Variants in TRPM3 observed in about 807,000 individuals in gnomAD.
TRPM3 encodes transient receptor potential cation channel subfamily M member 3, also known as long transient receptor potential channel 3.
TRPM3 carries 77 observed loss-of-function variants against 181.2 expected under a neutral mutation model. The ratio of observed to expected loss-of-function variants is 0.42; its 90% confidence interval spans 0.35 to 0.51. The LOEUF (loss-of-function observed/expected upper bound fraction) is 0.51, where lower values mean the gene tolerates loss of function less well. Among genes scored for constraint, TRPM3 ranks in the 20% least tolerant of loss-of-function variants. TRPM3 has a pLI of 0.01. For missense variants in TRPM3, 1,759 were observed against 2,196.7 expected (o/e 0.80, Z 3.98); for synonymous variants, 745 against 796.4 (o/e 0.94, Z 1.09).
intron 1 of TRPM3, among the ~76,000 whole-genome samples, chr9:70,942,905 A>C (rs2096899320): frequency 6.6e-6 from 1 of 152,102 alleles, no homozygotes; most frequent in Admixed American, 6.6e-5. Flanking sequence ...TACCCACCAA[A>C]TTTCAAAAAC....
rs1012412329 is a variant in TRPM3 at position 71,436,461 on chromosome 9, C to A, written c.183+10192G>T. Reference sequence around the variant, plus strand: ...GGGATTACAGGCACGCACCACCATGCCTGGCTAATTTTTTGTATTTTAGTA... The same window carrying A: ...GGGATTACAGGCACGCACCACCATGACTGGCTAATTTTTTGTATTTTAGTA... On this transcript the variant is annotated intron_variant, in intron 1 of 24. Transcript: ENST00000357533. 2.0e-4 allele frequency among the ~76,000 whole-genome samples: 27 copies of A among 134,674 alleles called. 1 individual carries two copies. Among genetic ancestry groups the A allele is most frequent in the Admixed American group, 1.7e-3 (22 of 12,966 alleles). The allele number at this position is 134,674 out of a possible 152,430, so 88.4% of individuals were successfully genotyped here.
At chr9:70,955,202 ATTC>A (rs996915564) in intron 1 of TRPM3, among the ~76,000 whole-genome samples, 1 of 152,162 alleles carries the variant, frequency 6.6e-6, no homozygotes, top group Admixed American at 6.5e-5. Context: ...TGGCAATCAC[ATTC>A]TTCTTTTTCC....
chr9:70,600,142 C>T (rs2059630565), intron 20 of TRPM3, among the ~76,000 whole-genome samples: 1 of 152,216 alleles, frequency 6.6e-6, no homozygotes, highest in Admixed American at 6.5e-5. Flanking sequence ...GCAGAAGTTG[C>T]ACCCATCCTG....
At chr9:71,285,865 A>G (rs1316303068) in intron 1 of TRPM3, among the ~76,000 whole-genome samples, 1 of 152,164 alleles carries the variant, frequency 6.6e-6, no homozygotes, top group Non-Finnish European at 1.5e-5. Flanking sequence ...GTGCAAATTA[A>G]TCCATTATGC....
Position 71,300,314 on chromosome 9 carries a change from C to A in TRPM3, c.183+146339G>T, listed in dbSNP as rs544932801. On this transcript the variant is annotated intron_variant, in intron 1 of 24. Transcript: ENST00000357533. ...TTTTAATGACACTATCATGGAAGCC[C>A]ATGACAGGGATGCTGCTGATTAATG... Among the ~76,000 whole-genome samples, 514 of 152,072 alleles carry A rather than the reference C, an allele frequency of 3.4e-3. 3 individuals are homozygous for A. The highest frequency in any genetic ancestry group is 5.2e-3 in the Non-Finnish European group (353 of 67,972).
chr9:70,894,591 G>T (rs1258499412), intron 1 of TRPM3, among the ~76,000 whole-genome samples: 1 of 152,174 alleles, frequency 6.6e-6, no homozygotes, highest in African/African-American at 2.4e-5. Context: ...TTGACTAGGA[G>T]AGCATTGAAC....
chr9:71,129,044 A>G (rs2074217380), intron 1 of TRPM3, among the ~76,000 whole-genome samples: 1 of 152,224 alleles, frequency 6.6e-6, no homozygotes, highest in Admixed American at 6.5e-5. Context: ...GAAGATCCTC[A>G]AAGCAGTAAC....
chr9:70,810,168 G>C, intron 6 of TRPM3: 1 of 481,636 alleles, frequency 2.1e-6, no homozygotes, highest in Admixed American at 2.2e-5. Flanking sequence ...ACATGATCAG[G>C]AGGTCCTCTG....
At chr9:71,150,051 A>C (rs2075647483) in intron 1 of TRPM3, among the ~76,000 whole-genome samples, 1 of 152,176 alleles carries the variant, frequency 6.6e-6, no homozygotes, top group South Asian at 2.1e-4. Context: ...AAGAAGAACA[A>C]AATGAAACTA....
intron 1 of TRPM3, among the ~76,000 whole-genome samples, chr9:70,900,706 C>T (rs541587843): frequency 2.3e-4 from 35 of 152,140 alleles, no homozygotes; most frequent in Non-Finnish European, 4.3e-4. Context: ...TACTACACAA[C>T]CTGACTATAA....
chr9:70,829,902 C>A (rs2093785247), intron 5 of TRPM3, among the ~76,000 whole-genome samples: 1 of 152,144 alleles, frequency 6.6e-6, no homozygotes. Context: ...AACATTCATT[C>A]TACAGCAGAG....
chr9:70,698,023 C>A (rs1310163853), intron 8 of TRPM3, among the ~76,000 whole-genome samples: 1 of 152,028 alleles, frequency 6.6e-6, no homozygotes, highest in South Asian at 2.1e-4. Flanking sequence ...GCCTAGCCAA[C>A]ATGGTGAAAC....
intron 12 of TRPM3, among the ~76,000 whole-genome samples, chr9:70,633,060 G>T (rs1442592772): frequency 2.0e-5 from 3 of 152,152 alleles, no homozygotes; most frequent in African/African-American, 4.8e-5. Context: ...GGGAGGCTGG[G>T]TCATTGAATT....
intron 1 of TRPM3, among the ~76,000 whole-genome samples, chr9:71,120,579 A>G (rs528832840): frequency 6.6e-6 from 1 of 152,166 alleles, no homozygotes; most frequent in Admixed American, 6.5e-5. Flanking sequence ...ATACTTTCCC[A>G]CTACTGATTC....
intron 1 of TRPM3, among the ~76,000 whole-genome samples, chr9:71,062,589 A>G (rs2061453576): frequency 6.6e-6 from 1 of 152,130 alleles, no homozygotes; most frequent in Non-Finnish European, 1.5e-5. Flanking sequence ...TGCAAATTCA[A>G]TATACTTACT....
At chr9:71,325,440 A>G (rs1312336437) in intron 1 of TRPM3, among the ~76,000 whole-genome samples, 4 of 152,152 alleles carry the variant, frequency 2.6e-5, no homozygotes, top group African/African-American at 7.2e-5. Flanking sequence ...TCAAGAGAAA[A>G]GTGTTCCCCT....
intron 9 of TRPM3, among the ~76,000 whole-genome samples, chr9:70,642,193 T>C (rs2058160750): frequency 6.6e-6 from 1 of 152,132 alleles, no homozygotes; most frequent in South Asian, 2.1e-4. Context: ...ATATGTAACA[T>C]CCCAGTTAAT....
At chr9:70,550,423 A>G (rs901623618) in intron 24 of TRPM3, among the ~76,000 whole-genome samples, 2 of 152,238 alleles carry the variant, frequency 1.3e-5, no homozygotes, top group South Asian at 2.1e-4. Flanking sequence ...TTTGACTTCA[A>G]TGAGCCATTG....
intron 1 of TRPM3, among the ~76,000 whole-genome samples, chr9:71,403,594 C>A (rs1227418885): frequency 1.3e-5 from 2 of 152,034 alleles, no homozygotes; most frequent in African/African-American, 2.4e-5. Context: ...TCACCACAAC[C>A]CTGTGAAATA....
Sources: allele counts gnomAD v4.1 joint callset (sites outside exome capture counted in the v4.1 genomes callset), GRCh38; gene constraint gnomAD v4.1.1; transcripts MANE v1.5; gene names NCBI Gene and HGNC (gene_info 2026-07-23, HGNC 2026-07-21).